The following PCSK1 variants were observed in gnomAD, a reference collection of about 807,000 sequenced individuals.
PCSK1 encodes the protein neuroendocrine convertase 1.
In PCSK1, 56 loss-of-function variants were observed where a neutral mutation model predicts 90.6. That is an observed-to-expected ratio of 0.62 (90% CI 0.50 to 0.77). The LOEUF (loss-of-function observed/expected upper bound fraction) is 0.77. PCSK1 is among the 30% of genes least tolerant of loss of function. The pLI is 0.00. For missense variants in PCSK1, 801 were observed against 932.6 expected (o/e 0.86, Z 1.84); for synonymous variants, 348 against 342.4 (o/e 1.02, Z -0.18).
rs1047841462 is a variant in PCSK1, at chr5:96,392,250, T to A, written c.*751A>T. 1.4e-5 allele frequency: 2 copies of A among 138,954 alleles called. No homozygotes were observed. Among genetic ancestry groups the A allele is most frequent in the African/African-American group, 5.6e-5 (2 of 35,694 alleles). The allele number at this position is 138,954 out of a possible 1,614,324, so 8.6% of individuals were successfully genotyped here. ...TTGTGGCTGAGAAAGGAGACAGGTA[T>A]AGAAAACTTTCAGAAGGAGAAACAG... is the stretch of plus-strand genomic sequence containing the variant. On this transcript the variant is annotated 3_prime_UTR_variant, in exon 14 of 14. Coordinates refer to ENST00000311106, the MANE Select transcript of PCSK1 (RefSeq NM_000439.5).
At position 96,392,277 on chromosome 5, in the gene PCSK1, G is replaced by A. The variant is rs1376066540; in HGVS notation, c.*724C>T. The A allele has an allele frequency of 6.6e-6, 1 of 151,986 alleles. No homozygotes were observed. 9.4% of individuals were successfully genotyped at this position (151,986 alleles called of 1,614,324 possible). On this transcript the variant is annotated 3_prime_UTR_variant, in exon 14 of 14. Coordinates refer to ENST00000311106, the MANE Select transcript of PCSK1 (RefSeq NM_000439.5). ...GAAAACTTTCAGAAGGAGAAACAGAGGAAAGACCAGGCATGCAGCACGAGT... is the reference window on the plus strand; with the variant it reads ...GAAAACTTTCAGAAGGAGAAACAGAAGAAAGACCAGGCATGCAGCACGAGT...
rs555583858 is a variant in PCSK1, at chr5:96,409,191, C to T, written c.1096-868G>A. 1.6e-4 allele frequency among the ~76,000 whole-genome samples: 24 copies of T among 152,304 alleles called. No homozygotes were observed. The South Asian group carries it at 5.0e-3, about 32-fold the overall frequency. On this transcript the variant is annotated intron_variant, in intron 8 of 13. Transcript: ENST00000311106. ...TTCCTGTCTGCCTTAAGGACCACGG[C>T]GCTGCTGGTTGGGCCAAGGGATTAC...
intron 8 of PCSK1, 66 bp downstream of exon 8, chr5:96,410,708 G>A (rs991029051): frequency 7.1e-6 from 9 of 1,271,934 alleles, no homozygotes; most frequent in Non-Finnish European, 8.1e-6. Flanking sequence ...TCAGTTAGGG[G>A]AATCATTTCA....
intron 8 of PCSK1, among the ~76,000 whole-genome samples, chr5:96,410,288 A>G (rs1299579607): frequency 2.0e-5 from 3 of 152,138 alleles, no homozygotes; most frequent in South Asian, 2.1e-4. Flanking sequence ...CTCAGGGGAC[A>G]CTGAAACTGC....
intron 13 of PCSK1, 87 bp downstream of exon 13, chr5:96,394,777 C>T: frequency 8.2e-7 from 1 of 1,221,212 alleles, no homozygotes; most frequent in Non-Finnish European, 1.2e-6. Context: ...TGACTTATTT[C>T]CTGCTTGGAA....
At chr5:96,432,559 T>G (rs866962192) in intron 1 of PCSK1, among the ~76,000 whole-genome samples, 7 of 152,244 alleles carry the variant, frequency 4.6e-5, no homozygotes, top group Middle Eastern at 6.8e-3. Context: ...TGAACAAGCG[T>G]GGAGGGATTT....
intron 5 of PCSK1, among the ~76,000 whole-genome samples, chr5:96,421,241 T>C (rs1249164332): frequency 1.3e-5 from 2 of 152,224 alleles, no homozygotes; most frequent in African/African-American, 4.8e-5. Context: ...CTCACCATAA[T>C]GTGGCTTCAA....
rs748072514 is a variant in PCSK1, at chr5:96,425,887, C to T, written c.329G>A (p.Arg110His). 9.9e-6 allele frequency: 16 copies of T among 1,612,512 alleles called. No homozygotes were observed. Among genetic ancestry groups the T allele is most frequent in the African/African-American group, 2.7e-5 (2 of 74,866 alleles). The change falls in exon 3 of 14, where the codon CGT becomes CAT. Residue 110 changes from arginine (R) to histidine (H), a missense_variant. Transcript: ENST00000311106. The part of the protein sequence containing the change: ...EQQYEKERSK[R>H]SALRDSALNL... The stretch of plus-strand genomic sequence containing the variant: ...TAGTGCTGAGTCCCTTAGAGCTGAA[C>T]GTTTACTTCTTTCTTTTTCATACTG...
intron 1 of PCSK1, among the ~76,000 whole-genome samples, chr5:96,432,491 G>A (rs1275231700): frequency 6.6e-6 from 1 of 152,202 alleles, no homozygotes. Flanking sequence ...GGGATGGAGC[G>A]CACTGCTTCT....
At chr5:96,403,587 C>T (rs1020512793) in intron 9 of PCSK1, among the ~76,000 whole-genome samples, 7 of 152,162 alleles carry the variant, frequency 4.6e-5, no homozygotes, top group African/African-American at 1.4e-4. Flanking sequence ...AATTTTTAAA[C>T]ACTGCATTGA....
chr5:96,412,750 A>ATGTTTTTTTTTTGT lies in PCSK1; in HGVS notation c.710-261_710-260insACAAAAAAAAAACA, dbSNP rs1760800920. Among the ~76,000 whole-genome samples the ATGTTTTTTTTTTGT allele has an allele frequency of 9.5e-5, 6 of 63,410 alleles. 1 individual carries two copies. The highest frequency in any genetic ancestry group is 4.8e-4 in the African/African-American group (6 of 12,602). The allele number at this position is 63,410 out of a possible 152,430, so 41.6% of individuals were successfully genotyped here. The stretch of plus-strand genomic sequence containing the variant: ...ACCATGCACTGTGTAGGCAGCTGTG[A>ATGTTTTTTTTTTGT]TGTTTTTTTTTTTTTTTTTTTTTTT... On this transcript the variant is annotated intron_variant, in intron 6 of 13. Transcript: ENST00000311106.
chr5:96,407,109 A>G (rs1178516249), intron 9 of PCSK1, among the ~76,000 whole-genome samples: 1 of 152,346 alleles, frequency 6.6e-6, no homozygotes, highest in Admixed American at 6.5e-5. Flanking sequence ...TGTTTATCTA[A>G]TTTGGGGTTG....
At chr5:96,410,727 C>G in intron 8 of PCSK1, 47 bp downstream of exon 8, 1 of 1,435,534 alleles carries the variant, frequency 7.0e-7, no homozygotes, top group Admixed American at 1.7e-5. Context: ...CACATGCATG[C>G]CACGCTCTCC....
At chr5:96,398,275 T>C (rs182980238) in intron 11 of PCSK1, among the ~76,000 whole-genome samples, 4 of 152,332 alleles carry the variant, frequency 2.6e-5, no homozygotes, top group Admixed American at 6.5e-5. Context: ...ATTTAGTCAG[T>C]TGAGTCCTGC....
At chr5:96,414,007 C>T (rs549740556) in intron 6 of PCSK1, among the ~76,000 whole-genome samples, 118 of 142,806 alleles carry the variant, frequency 8.3e-4, no homozygotes, top group African/African-American at 2.8e-3. Context: ...GGCGTAGTGG[C>T]GGGTTCCTGT....
chr5:96,410,098 T>C (rs156021), intron 8 of PCSK1, among the ~76,000 whole-genome samples: 89,683 of 151,944 alleles, frequency 0.59, 27,082 homozygotes, highest in Non-Finnish European at 0.66. Context: ...ATTAAAGGTG[T>C]CTCCCTTTGT....
chr5:96,432,924 G>A lies in PCSK1; in HGVS notation c.119C>T (p.Pro40Leu), dbSNP rs752976241. 6.2e-7 allele frequency: 1 copy of A among 1,614,172 alleles called. No individual in the cohort carries two copies. Among genetic ancestry groups the A allele is most frequent in the Non-Finnish European group, 8.5e-7 (1 of 1,180,024 alleles). Residue 40 changes from proline (P) to leucine (L), a missense_variant, in exon 1 of 14, where the codon CCC (proline) becomes CTC (leucine). Coordinates refer to ENST00000311106, the MANE Select transcript of PCSK1 (RefSeq NM_000439.5). ...GGCCGAGGCTGCTTCCGGGCCCCCG[G>A]GGATCTCCGCTGCCCATTCATTGAC... ...QFVNEWAAEI[P>L]GGPEAASAIA...
chr5:96,410,994 A>G lies in PCSK1; in HGVS notation c.883-8T>C, dbSNP rs767961537. On this transcript the variant is annotated splice_region_variant and splice_polypyrimidine_tract_variant and intron_variant, in intron 7 of 13. Coordinates refer to ENST00000311106, the MANE Select transcript of PCSK1 (RefSeq NM_000439.5). ...CCCCTTCCCCTGTCTCCCCTAAAGG[A>G]AAAGCCAGAATGCATATTATCTGTT... 4 of 1,599,060 alleles carry G rather than the reference A, an allele frequency of 2.5e-6. No individual in the cohort carries two copies. Among genetic ancestry groups the G allele is most frequent in the Non-Finnish European group, 2.6e-6 (3 of 1,167,220 alleles).
At position 96,395,021 on chromosome 5, in the gene PCSK1, C is replaced by T. The variant is rs267600742; in HGVS notation, c.1727G>A (p.Gly576Glu). The T allele has an allele frequency of 6.2e-7, 1 of 1,611,738 alleles. No individual in the cohort carries two copies. The highest frequency in any genetic ancestry group is 8.5e-7 in the Non-Finnish European group (1 of 1,177,852). The stretch of plus-strand genomic sequence containing the variant: ...AATTCTTCCTTCATTTTGAATTCTT[C>T]CAGACTAACAAATAAGCATACCTAC... ...TWTLRITDMSGRIQNEGRIVN... is the reference protein window; with the variant it reads ...TWTLRITDMSERIQNEGRIVN... Residue 576 changes from glycine (G) to glutamate (E), a missense_variant, in exon 13 of 14, where the codon GGA (glycine) becomes GAA (glutamate). Physicochemically the swap from Gly to Glu is moderately conservative, Grantham distance 98. Transcript: ENST00000311106.
Sources: allele counts gnomAD v4.1 joint callset (sites outside exome capture counted in the v4.1 genomes callset), GRCh38; gene constraint gnomAD v4.1.1; transcripts MANE v1.5; gene names NCBI Gene and HGNC (gene_info 2026-07-23, HGNC 2026-07-21).